The following ZNF107 variants were observed in gnomAD, a reference collection of about 807,000 sequenced individuals.
ZNF107 encodes C2H2 type zinc-finger protein.
A neutral mutation model predicts 12.3 loss-of-function variants in ZNF107; 19 were observed. The observed-to-expected ratio is 1.55, with a 90% confidence interval of 1.08 to 2.27. The LOEUF is 2.27. Ranked by LOEUF, ZNF107 falls within the 30% of genes most tolerant of loss-of-function variation. The pLI is 0.00. For synonymous variants in ZNF107, 317 were observed against 330.5 expected (o/e 0.96, Z 0.44); for missense variants, 958 against 979.9 (o/e 0.98, Z 0.30).
rs1790673552 is a variant in ZNF107 at position 64,706,956 on chromosome 7, T to C, written c.859T>C (p.Tyr287His). The change falls in exon 4 of 4, where the codon TAT (tyrosine) becomes CAT (histidine). Residue 287 changes from tyrosine to histidine, a missense_variant. Transcript: ENST00000620827. ...TCATACTGGAGAAAAACCTTACAAA[T>C]ATGAAGAATGTGGCAAAGTCTTTAG... ...IIHTGEKPYKYEECGKVFSQS... is the reference protein window; with the variant it reads ...IIHTGEKPYKHEECGKVFSQS... 1 of 1,613,256 alleles carries C rather than the reference T, an allele frequency of 6.2e-7. No homozygotes were observed.
rs1396033585 is a variant in ZNF107 at position 64,711,486 on chromosome 7, C to T, written c.*2830C>T. Reference sequence around the variant, plus strand: ...GATACTTTAGAATGTACAGTCGTTACTACAGGGTCATTTTATGGTTATAAT... The same window carrying T: ...GATACTTTAGAATGTACAGTCGTTATTACAGGGTCATTTTATGGTTATAAT... On this transcript the variant is annotated 3_prime_UTR_variant, in exon 4 of 4. Transcript: ENST00000620827. 1 of 152,128 alleles carries T rather than the reference C, an allele frequency of 6.6e-6. No homozygotes were observed. The highest frequency in any genetic ancestry group is 1.5e-5 in the Non-Finnish European group (1 of 68,040). 9.4% of individuals were successfully genotyped at this position (152,128 alleles called of 1,614,324 possible).
chr7:64,666,183 A>G lies in ZNF107; in HGVS notation c.-100A>G, dbSNP rs1226486811. The stretch of plus-strand genomic sequence containing the variant: ...GCTCCTGCTCTCCTCCTCACTGCTC[A>G]GTGTCCTCTGCTCCTAGAGGCCCAG... On this transcript the variant is annotated 5_prime_UTR_variant, in exon 1 of 4. Coordinates refer to ENST00000620827, the MANE Select transcript of ZNF107 (RefSeq NM_001282359.2). The G allele has an allele frequency of 5.3e-6, 8 of 1,498,294 alleles. No homozygotes were observed. Among genetic ancestry groups the G allele is most frequent in the East Asian group, 2.4e-5 (1 of 41,886 alleles). The allele number at this position is 1,498,294 out of a possible 1,614,324, so 92.8% of individuals were successfully genotyped here.
At chr7:64,667,951 C>CA (rs56005729) in intron 1 of ZNF107, among the ~76,000 whole-genome samples, 95,005 of 138,850 alleles carry the variant, frequency 0.68, 34,281 homozygotes, top group Non-Finnish European at 0.82. Flanking sequence ...TTCCAGAAGA[C>CA]AAAAAAAAAA....
chr7:64,690,330 A>G (rs746867828), intron 1 of ZNF107: 192 of 981,068 alleles, frequency 2.0e-4, no homozygotes, highest in Non-Finnish European at 2.3e-4. Flanking sequence ...GGTTGAGCAG[A>G]GTAATATATA....
intron 3 of ZNF107, among the ~76,000 whole-genome samples, chr7:64,694,588 A>T (rs1790225328): frequency 6.6e-6 from 1 of 151,174 alleles, no homozygotes; most frequent in African/African-American, 2.4e-5. Context: ...GCTGGTCTTT[A>T]AATCCTGGTC....
At chr7:64,687,948 C>T (rs1789981363) in intron 1 of ZNF107, among the ~76,000 whole-genome samples, 1 of 152,128 alleles carries the variant, frequency 6.6e-6, no homozygotes, top group Non-Finnish European at 1.5e-5. Context: ...AGCTTTAATC[C>T]AGAGGAGGCT....
chr7:64,687,078 C>T (rs1264318765), intron 1 of ZNF107: 1 of 985,264 alleles, frequency 1.0e-6, no homozygotes, highest in African/African-American at 1.7e-5. Flanking sequence ...CATATCTAAT[C>T]TGAGTTTTTT....
At chr7:64,679,636 T>G (rs73361893) in intron 1 of ZNF107, among the ~76,000 whole-genome samples, 7,139 of 152,190 alleles carry the variant, frequency 0.047, 448 homozygotes, top group African/African-American at 0.14. Flanking sequence ...CCATTCCTCC[T>G]CCTTGTCCTT....
intron 3 of ZNF107, among the ~76,000 whole-genome samples, chr7:64,702,175 G>T (rs1790497608): frequency 6.6e-6 from 1 of 150,688 alleles, no homozygotes. Context: ...TTGAGACGGA[G>T]TCTTGCTCTG....
rs1404311207 is a variant in ZNF107, at chr7:64,707,850, A to G, written c.1753A>G (p.Ile585Val). Residue 585 changes from isoleucine (I) to valine (V), a missense_variant, in exon 4 of 4, where the codon ATA (isoleucine) becomes GTA (valine). Coordinates refer to ENST00000620827, the MANE Select transcript of ZNF107 (RefSeq NM_001282359.2). ...NQSYQLTRHKIVHTKEKLNKC... is the reference protein window; with the variant it reads ...NQSYQLTRHKVVHTKEKLNKC... ...ATCCTATCAACTTACTAGACATAAG[A>G]TAGTTCATACTAAAGAGAAACTCAA... The G allele has an allele frequency of 1.2e-6, 2 of 1,613,436 alleles. No individual in the cohort carries two copies. Among genetic ancestry groups the G allele is most frequent in the African/African-American group, 2.7e-5 (2 of 74,892 alleles).
At chr7:64,682,663 A>G (rs1789731080) in intron 1 of ZNF107, among the ~76,000 whole-genome samples, 1 of 152,180 alleles carries the variant, frequency 6.6e-6, no homozygotes, top group African/African-American at 2.4e-5. Context: ...CCCTGTTTAC[A>G]TGCTGCAGCG....
Position 64,708,778 on chromosome 7 carries a change from A to G in ZNF107, c.*122A>G, listed in dbSNP as rs543877143. The G allele has an allele frequency of 2.9e-4, 273 of 945,686 alleles. 3 individuals are homozygous for G. The South Asian group carries it at 3.6e-3, about 12-fold the overall frequency. The allele number at this position is 945,686 out of a possible 1,614,324, so 58.6% of individuals were successfully genotyped here. On this transcript the variant is annotated 3_prime_UTR_variant, in exon 4 of 4. Transcript: ENST00000620827. ...TTTCTGCACACACGAGGTATTTTATACTGGTGAGAAACCTTACAATGTAAA... is the reference window on the plus strand; with the variant it reads ...TTTCTGCACACACGAGGTATTTTATGCTGGTGAGAAACCTTACAATGTAAA...
chr7:64,703,113 A>G (rs1315235461), intron 3 of ZNF107, among the ~76,000 whole-genome samples: 1 of 152,034 alleles, frequency 6.6e-6, no homozygotes, highest in African/African-American at 2.4e-5. Flanking sequence ...TTGCAATTTA[A>G]TATTTTTATG....
intron 1 of ZNF107, chr7:64,686,920 C>G (rs1159156136): frequency 1.0e-6 from 1 of 985,330 alleles, no homozygotes; most frequent in Non-Finnish European, 1.2e-6. Context: ...CCAGACCACG[C>G]TGTAACACAC....
intron 1 of ZNF107, among the ~76,000 whole-genome samples, chr7:64,674,081 C>T (rs1037541089): frequency 6.7e-6 from 1 of 149,912 alleles, no homozygotes; most frequent in Non-Finnish European, 1.5e-5. Context: ...ATTGCCTTGG[C>T]TATTTGAGCT....
intron 1 of ZNF107, among the ~76,000 whole-genome samples, chr7:64,683,245 T>C (rs2128960144): frequency 6.6e-6 from 1 of 151,968 alleles, no homozygotes; most frequent in Middle Eastern, 3.4e-3. Context: ...TGGAAAGAGG[T>C]TTTCTAACCA....
intron 3 of ZNF107, among the ~76,000 whole-genome samples, chr7:64,692,800 G>A (rs1186163470): frequency 1.3e-5 from 2 of 151,926 alleles, no homozygotes; most frequent in Admixed American, 1.3e-4. Context: ...TTATCAGATA[G>A]TTTGTTTTGA....
chr7:64,669,623 G>A (rs148526301), intron 1 of ZNF107, among the ~76,000 whole-genome samples: 2,449 of 151,738 alleles, frequency 0.016, 71 homozygotes, highest in African/African-American at 0.056. Flanking sequence ...GTGAAGCCCC[G>A]TCTCTACTGA....
intron 1 of ZNF107, among the ~76,000 whole-genome samples, chr7:64,688,779 G>C (rs1259025117): frequency 6.6e-6 from 1 of 152,140 alleles, no homozygotes; most frequent in Non-Finnish European, 1.5e-5. Flanking sequence ...TTTGAGCTAA[G>C]AATTTATCTC....
Sources: gnomAD v4.1 joint callset for allele counts (sites outside exome capture counted in the v4.1 genomes callset) on GRCh38, gnomAD v4.1.1 for gene constraint, MANE v1.5 for transcripts, NCBI Gene and HGNC (gene_info 2026-07-23, HGNC 2026-07-21) for gene names.